TAF10: variants seen among roughly 807,000 people sequenced by gnomAD.
TAF10 encodes the protein transcription initiation factor TFIID subunit 10.
In TAF10, 2 loss-of-function variants were observed where a neutral mutation model predicts 18.1. The observed-to-expected ratio is 0.11, with a 90% CI of 0.05 to 0.35. The LOEUF is 0.35. Ranked by LOEUF, TAF10 falls within the 10% of genes least tolerant of loss-of-function variation. The pLI, the probability that TAF10 is intolerant of heterozygous loss-of-function variation, is 1.00. For synonymous variants in TAF10, 158 were observed against 134.6 expected (o/e 1.17, Z -1.20); for missense variants, 293 against 306.9 (o/e 0.95, Z 0.34).
chr11:6,608,801 C>G lies in TAF10; in HGVS notation c.*2121G>C, dbSNP rs1855196418. 2 of 1,612,752 alleles carry G rather than the reference C, an allele frequency of 1.2e-6. No homozygotes were observed. The highest frequency in any genetic ancestry group is 1.7e-6 in the Non-Finnish European group (2 of 1,178,734). On this transcript the variant is annotated 3_prime_UTR_variant, in exon 5 of 5. Coordinates refer to ENST00000299424, the MANE Select transcript of TAF10 (RefSeq NM_006284.4). This position sits in a 1 kb window ranked among gnomAD's most constrained non-coding sequence, Gnocchi z 4.9. ...GAGAGCTTCTCCGAGGTCCATCTCC[C>G]CATCCCCTAGCTTGTGTCCTCTCGT...
In TAF10 at chr11:6,610,710, C is replaced by T; in HGVS notation, c.*212G>A. 6.8e-7 allele frequency: 1 copy of T among 1,474,084 alleles called. No homozygotes were observed. Among genetic ancestry groups the T allele is most frequent in the Non-Finnish European group, 9.4e-7 (1 of 1,060,594 alleles). 91.3% of individuals were successfully genotyped at this position (1,474,084 alleles called of 1,614,324 possible). A position where few individuals can be genotyped will look rare whatever the true frequency, so the allele number is the denominator to read the frequency against. On this transcript the variant is annotated 3_prime_UTR_variant, in exon 5 of 5. Coordinates refer to ENST00000299424, the MANE Select transcript of TAF10 (RefSeq NM_006284.4). The stretch of plus-strand genomic sequence containing the variant: ...GGCCTCTGGTTGCCTCCCCCGCCTC[C>T]AGTCATGGTACTACCCCAGCCATGG...
In TAF10 at chr11:6,610,101, G is replaced by C. The variant is rs781130666; in HGVS notation, c.*821C>G. The stretch of plus-strand genomic sequence containing the variant: ...CTCAGAAGTAGTGGAAGGGGGCAGA[G>C]ACAGGACAGGCAAGGGGGCCAGAAC... On this transcript the variant is annotated 3_prime_UTR_variant, in exon 5 of 5. Transcript: ENST00000299424. The C allele has an allele frequency of 1.2e-5, 20 of 1,611,384 alleles. No homozygotes were observed. The highest frequency in any genetic ancestry group is 1.4e-5 in the Non-Finnish European group (17 of 1,178,212).
chr11:6,609,589 C>T lies in TAF10; in HGVS notation c.*1333G>A, dbSNP rs770920688. The T allele has an allele frequency of 9.3e-6, 15 of 1,614,076 alleles. No individual in the cohort carries two copies. Among genetic ancestry groups the T allele is most frequent in the Middle Eastern group, 1.6e-4 (1 of 6,084 alleles). On this transcript the variant is annotated 3_prime_UTR_variant, in exon 5 of 5. Coordinates refer to ENST00000299424, the MANE Select transcript of TAF10 (RefSeq NM_006284.4). ...CCTGCTCCTCATCCTACTCTCATCA[C>T]ACACTGGATGCCGTATGGATCCCTC...
Position 6,611,004 on chromosome 11 carries a change from T to C in TAF10, c.575A>G (p.Lys192Arg). ...CAAGTCCTCCATGGTTAGAGTGTAC[T>C]TGCGGTCCTGAGGGAAGAGGGAAGA... ...GSSRSKSKDR[K>R]YTLTMEDLTP... The change falls in exon 5 of 5, where the codon AAG becomes AGG. Residue 192 changes from lysine (K) to arginine (R), a missense_variant. Physicochemically the swap from Lys to Arg is conservative, Grantham distance 26 (BLOSUM62 2). Transcript: ENST00000299424. 1.2e-6 allele frequency: 2 copies of C among 1,614,062 alleles called. No individual in the cohort carries two copies. Among genetic ancestry groups the C allele is most frequent in the African/African-American group, 1.3e-5 (1 of 75,034 alleles).
chr11:6,610,454 A>G lies in TAF10; in HGVS notation c.*468T>C, dbSNP rs1277112008. 3 of 1,614,164 alleles carry G rather than the reference A, an allele frequency of 1.9e-6. No individual in the cohort carries two copies. The highest frequency in any genetic ancestry group is 2.5e-6 in the Non-Finnish European group (3 of 1,180,024). On this transcript the variant is annotated 3_prime_UTR_variant, in exon 5 of 5. Coordinates refer to ENST00000299424, the MANE Select transcript of TAF10 (RefSeq NM_006284.4). ...ATTGTGAGGCTGCTTTTTTTCTTGT[A>G]TTCGCAGGTGGCATTGGAAGGCCTT...
At position 6,610,367 on chromosome 11, in the gene TAF10, G is replaced by A; in HGVS notation, c.*555C>T. 8 of 1,613,204 alleles carry A rather than the reference G, an allele frequency of 5.0e-6. No homozygotes were observed. Among genetic ancestry groups the A allele is most frequent in the Non-Finnish European group, 6.8e-6 (8 of 1,179,404 alleles). Reference sequence around the variant, plus strand: ...GTGGGCCTTGGCTCCTCACATATTTGTTCGGATATACAGTAATCCTGTCCC... The same window carrying A: ...GTGGGCCTTGGCTCCTCACATATTTATTCGGATATACAGTAATCCTGTCCC... On this transcript the variant is annotated 3_prime_UTR_variant, in exon 5 of 5. Coordinates refer to ENST00000299424, the MANE Select transcript of TAF10 (RefSeq NM_006284.4).
chr11:6,611,145 T>G (rs1377284434), intron 4 of TAF10, 44 bp downstream of exon 4: 2 of 1,591,502 alleles, frequency 1.3e-6, no homozygotes, highest in African/African-American at 2.7e-5. Context: ...AAGCCTCCAC[T>G]GTTGTGGAAG....
chr11:6,611,476 G>C (rs1371923911), intron 2 of TAF10, 24 bp from the exon 3 acceptor site: 4 of 1,613,870 alleles, frequency 2.5e-6, no homozygotes, highest in Non-Finnish European at 3.4e-6. Context: ...TAAGAGAACT[G>C]TCAGCAGAGC....
chr11:6,611,043 A>G, intron 4 of TAF10, 32 bp from the exon 5 acceptor site: 1 of 1,611,060 alleles, frequency 6.2e-7, no homozygotes. Flanking sequence ...CCAACTGAGC[A>G]CAGGAATCCC....
chr11:6,608,561 C>A lies in TAF10; in HGVS notation c.*2361G>T. 1 of 1,405,426 alleles carries A rather than the reference C, an allele frequency of 7.1e-7. No homozygotes were observed. Among genetic ancestry groups the A allele is most frequent in the Non-Finnish European group, 1.0e-6 (1 of 990,014 alleles). The allele number at this position is 1,405,426 out of a possible 1,614,324, so 87.1% of individuals were successfully genotyped here. On this transcript the variant is annotated 3_prime_UTR_variant, in exon 5 of 5. Transcript: ENST00000299424. This position sits in a 1 kb window ranked among gnomAD's most constrained non-coding sequence, Gnocchi z 4.9. The stretch of plus-strand genomic sequence containing the variant: ...TGAGCCTTGGTGGGAGATTTTGGAA[C>A]CCTCAACCCATTCTGTCAGTACTAC...
rs1249700416 is a variant in TAF10 at position 6,609,203 on chromosome 11, T to C, written c.*1719A>G. 5 of 1,600,196 alleles carry C rather than the reference T, an allele frequency of 3.1e-6. No homozygotes were observed. The Admixed American group carries it at 8.3e-5, about 27-fold the overall frequency. On this transcript the variant is annotated 3_prime_UTR_variant, in exon 5 of 5. Coordinates refer to ENST00000299424, the MANE Select transcript of TAF10 (RefSeq NM_006284.4). ...CTTCCCTCACTAAACCCCCATAAATTACTTGCTTTGTACCTGTTTTAAGTT... is the reference window on the plus strand; with the variant it reads ...CTTCCCTCACTAAACCCCCATAAATCACTTGCTTTGTACCTGTTTTAAGTT...
chr11:6,608,711 G>A lies in TAF10; in HGVS notation c.*2211C>T. On this transcript the variant is annotated 3_prime_UTR_variant, in exon 5 of 5. Transcript: ENST00000299424. This position sits in a 1 kb window ranked among gnomAD's most constrained non-coding sequence, Gnocchi z 4.9. ...CATTCCAGGACCTGGTGGCAAATGG[G>A]GCCCTTGTCAGCATCTGTAACAAGT... The A allele has an allele frequency of 6.2e-7, 1 of 1,613,988 alleles. No homozygotes were observed. Among genetic ancestry groups the A allele is most frequent in the Non-Finnish European group, 8.5e-7 (1 of 1,179,882 alleles).
chr11:6,611,560 CAG>C (rs1260074650), intron 2 of TAF10, 102 bp downstream of exon 2: 2 of 1,593,874 alleles, frequency 1.3e-6, no homozygotes, highest in East Asian at 4.5e-5. Flanking sequence ...AGGGCAAACA[CAG>C]AAGAGCGACT....
In TAF10 at chr11:6,610,730, C is replaced by G; in HGVS notation, c.*192G>C. 5.2e-6 allele frequency: 7 copies of G among 1,356,884 alleles called. No homozygotes were observed. Among genetic ancestry groups the G allele is most frequent in the Non-Finnish European group, 7.3e-6 (7 of 958,790 alleles). 84.1% of individuals were successfully genotyped at this position (1,356,884 alleles called of 1,614,324 possible). ...GCCTCCAGTCATGGTACTACCCCAG[C>G]CATGGGGTCCATCCCCTTCCCCCAT... On this transcript the variant is annotated 3_prime_UTR_variant, in exon 5 of 5. Coordinates refer to ENST00000299424, the MANE Select transcript of TAF10 (RefSeq NM_006284.4).
In TAF10 at chr11:6,610,406, TTC is replaced by T. The variant is rs371843560; in HGVS notation, c.*514_*515del. 5.0e-6 allele frequency: 8 copies of T among 1,613,748 alleles called. No homozygotes were observed. The African/African-American group carries it at 9.3e-5, about 19-fold the overall frequency. On this transcript the variant is annotated 3_prime_UTR_variant, in exon 5 of 5. Coordinates refer to ENST00000299424, the MANE Select transcript of TAF10 (RefSeq NM_006284.4). ...TAATCCTGTCCCAAGGGCCAGTGGC[TTC>T]TCTCTACATGACAGACTCAAATTGT...
Position 6,610,133 on chromosome 11 carries a change from G to A in TAF10, c.*789C>T, listed in dbSNP as rs553103939. 3.7e-6 allele frequency: 6 copies of A among 1,614,098 alleles called. No homozygotes were observed. The highest frequency in any genetic ancestry group is 2.7e-5 in the African/African-American group (2 of 74,936). On this transcript the variant is annotated 3_prime_UTR_variant, in exon 5 of 5. Coordinates refer to ENST00000299424, the MANE Select transcript of TAF10 (RefSeq NM_006284.4). ...CAGGCAAGGGGGCCAGAACAGACAA[G>A]CCCTATCTCTCCAGCTCTGCAGAAG... is the stretch of plus-strand genomic sequence containing the variant.
Position 6,612,113 on chromosome 11 carries a change from G to A in TAF10, c.77C>T (p.Pro26Leu). ...SAASAPGPAP[P>L]VSAPAALPSS... ...GGGCAGCGCGGCGGGAGCCGAGACC[G>A]GGGGCGCGGGGCCCGGGGCCGAGGC... The change falls in exon 1 of 5, where the codon CCG (proline) becomes CTG (leucine). Residue 26 changes from proline (P) to leucine (L), a missense_variant. Coordinates refer to ENST00000299424, the MANE Select transcript of TAF10 (RefSeq NM_006284.4). 1.6e-6 allele frequency: 2 copies of A among 1,216,248 alleles called. No individual in the cohort carries two copies. Among genetic ancestry groups the A allele is most frequent in the African/African-American group, 3.1e-5 (2 of 63,514 alleles). The allele number at this position is 1,216,248 out of a possible 1,614,324, so 75.3% of individuals were successfully genotyped here. A position where few individuals can be genotyped will look rare whatever the true frequency, so the allele number is the denominator to read the frequency against.
In TAF10 at chr11:6,610,447, T is replaced by C. The variant is rs1204804975; in HGVS notation, c.*475A>G. Reference sequence around the variant, plus strand: ...GACTCAAATTGTGAGGCTGCTTTTTTTCTTGTATTCGCAGGTGGCATTGGA... The same window carrying C: ...GACTCAAATTGTGAGGCTGCTTTTTCTCTTGTATTCGCAGGTGGCATTGGA... On this transcript the variant is annotated 3_prime_UTR_variant, in exon 5 of 5. Coordinates refer to ENST00000299424, the MANE Select transcript of TAF10 (RefSeq NM_006284.4). The C allele has an allele frequency of 4.3e-6, 7 of 1,614,234 alleles. No individual in the cohort carries two copies. The highest frequency in any genetic ancestry group is 5.9e-6 in the Non-Finnish European group (7 of 1,180,042).
chr11:6,611,599 A>C, intron 2 of TAF10, 65 bp downstream of exon 2: 1 of 1,585,344 alleles, frequency 6.3e-7, no homozygotes, highest in South Asian at 1.1e-5. Context: ...GAGAACGCTG[A>C]AAAGCACGAT....
Sources: allele counts gnomAD v4.1 joint callset, GRCh38; gene constraint gnomAD v4.1.1; non-coding constraint Gnocchi (gnomAD v3.1); transcripts MANE v1.5; gene names NCBI Gene and HGNC (gene_info 2026-07-23, HGNC 2026-07-21).